The following FAM20B variants were observed in gnomAD, a reference collection of about 807,000 sequenced individuals.
The protein encoded by FAM20B is glycosaminoglycan xylosylkinase.
Under a neutral mutation model 43.8 loss-of-function variants are expected in FAM20B, and 23 were observed. The ratio of observed to expected loss-of-function variants is 0.53; its 90% confidence interval spans 0.38 to 0.74. The LOEUF is 0.74. FAM20B is among the 30% of genes least tolerant of loss of function. The pLI, the probability that FAM20B is intolerant of heterozygous loss-of-function variation, is 0.00. For synonymous variants in FAM20B, 178 were observed against 192.4 expected, an observed-to-expected ratio of 0.93 and a Z score of 0.62; for missense variants, 440 against 510.5, an observed-to-expected ratio of 0.86 and a Z score of 1.33.
At chr1:179,018,363 A>T in the FAM20B span, among the ~76,000 whole-genome samples, 1 of 152,132 alleles carries the variant, frequency 6.6e-6, no homozygotes, top group Non-Finnish European at 1.5e-5. Context: ...CTGGAGTACA[A>T]TGGTACAATC....
chr1:179,040,566 G>A (rs1235191914), intron 1 of FAM20B, among the ~76,000 whole-genome samples: 1 of 138,652 alleles, frequency 7.2e-6, no homozygotes, highest in Non-Finnish European at 1.6e-5. Flanking sequence ...TCCAGGACGG[G>A]GCAGCTGGCC....
intron 6 of FAM20B, among the ~76,000 whole-genome samples, chr1:179,065,392 C>T (rs1225563445): frequency 2.0e-5 from 3 of 152,156 alleles, no homozygotes; most frequent in Non-Finnish European, 2.9e-5. Flanking sequence ...TTGCCTCGAC[C>T]TCTCAAAGTG....
At chr1:179,033,957 G>C (rs1650113484) in intron 1 of FAM20B, among the ~76,000 whole-genome samples, 1 of 152,192 alleles carries the variant, frequency 6.6e-6, no homozygotes, top group African/African-American at 2.4e-5. Context: ...CTCCCAAAGT[G>C]CTGGGATTAC....
upstream of FAM20B, among the ~76,000 whole-genome samples, chr1:179,023,397 G>A (rs941645788): frequency 5.9e-5 from 9 of 152,228 alleles, no homozygotes; most frequent in African/African-American, 2.2e-4. Context: ...GAAGGGCAAA[G>A]AGGAGATTAG....
upstream of FAM20B, among the ~76,000 whole-genome samples, chr1:179,023,470 A>T (rs918147151): frequency 6.6e-6 from 1 of 152,240 alleles, no homozygotes; most frequent in Admixed American, 6.5e-5. Flanking sequence ...GAGTCTTGAC[A>T]AAGTGCTCAG....
upstream of FAM20B, among the ~76,000 whole-genome samples, chr1:179,022,421 G>A (rs1013880398): frequency 2.6e-5 from 4 of 152,144 alleles, no homozygotes; most frequent in African/African-American, 9.7e-5. Flanking sequence ...CATCATGGTG[G>A]CTGTGTTGCC....
chr1:179,064,985 T>C (rs1651629931), intron 6 of FAM20B, among the ~76,000 whole-genome samples: 1 of 152,194 alleles, frequency 6.6e-6, no homozygotes, highest in Admixed American at 6.5e-5. Flanking sequence ...CTAGTGTGGA[T>C]TTTATATATA....
chr1:179,036,959 G>A (rs1345433164), intron 1 of FAM20B, among the ~76,000 whole-genome samples: 1 of 152,150 alleles, frequency 6.6e-6, no homozygotes, highest in Non-Finnish European at 1.5e-5. Flanking sequence ...GGACTACAGT[G>A]TAAGGAATGA....
intron 7 of FAM20B, among the ~76,000 whole-genome samples, chr1:179,068,553 A>G (rs1651787192): frequency 2.6e-5 from 4 of 152,016 alleles, no homozygotes; most frequent in Admixed American, 2.0e-4. Flanking sequence ...CTCCTGCGTC[A>G]GCCTCCCAAG....
chr1:179,017,379 C>A, the FAM20B span, among the ~76,000 whole-genome samples: 5 of 152,208 alleles, frequency 3.3e-5, no homozygotes, highest in African/African-American at 1.2e-4. Context: ...GTTGCTTGAG[C>A]CTCTTTTGAG....
intron 4 of FAM20B, among the ~76,000 whole-genome samples, chr1:179,060,025 A>G (rs1352216350): frequency 1.3e-5 from 2 of 151,530 alleles, no homozygotes; most frequent in Admixed American, 1.3e-4. Context: ...TCGTCTGTCT[A>G]GTTCCTTCCC....
At chr1:179,025,519 G>T (rs371476628), upstream of FAM20B, among the ~76,000 whole-genome samples, 1 of 152,138 alleles carries the variant, frequency 6.6e-6, no homozygotes, top group Non-Finnish European at 1.5e-5. Context: ...CGACCTAGGG[G>T]ACCGCAACTC....
chr1:179,052,147 T>C (rs1189727566), intron 3 of FAM20B, among the ~76,000 whole-genome samples: 1 of 152,238 alleles, frequency 6.6e-6, no homozygotes, highest in East Asian at 1.9e-4. Flanking sequence ...GAATCTAATG[T>C]AATCTGAGTA....
At chr1:179,025,049 G>A (rs1445292109), upstream of FAM20B, among the ~76,000 whole-genome samples, 1 of 152,036 alleles carries the variant, frequency 6.6e-6, no homozygotes, top group Non-Finnish European at 1.5e-5. Flanking sequence ...TATATTTCAG[G>A]GTCAGGCACA....
rs143936781 is a variant in FAM20B, at chr1:179,038,357, G to A, written c.-133-5358G>A. ...ACCCAGGAAGCAGAGGTTGTGGTGAGCCGAGATTGCTCCATGGCATTCCAG... is the reference window on the plus strand; with the variant it reads ...ACCCAGGAAGCAGAGGTTGTGGTGAACCGAGATTGCTCCATGGCATTCCAG... On this transcript the variant is annotated intron_variant, in intron 1 of 7. Transcript: ENST00000263733. 8.6e-3 allele frequency among the ~76,000 whole-genome samples: 1,287 copies of A among 150,366 alleles called. 17 individuals are homozygous for A. The highest frequency in any genetic ancestry group is 0.03 in the African/African-American group (1,219 of 40,752).
the FAM20B span, among the ~76,000 whole-genome samples, chr1:179,019,175 A>G: frequency 3.9e-5 from 6 of 152,210 alleles, no homozygotes; most frequent in Non-Finnish European, 8.8e-5. Flanking sequence ...TCTAGAAATA[A>G]TATTTATCTG....
At chr1:179,035,589 C>A (rs549278126) in intron 1 of FAM20B, 1 of 566,428 alleles carries the variant, frequency 1.8e-6, no homozygotes, top group Non-Finnish European at 3.3e-6. Context: ...GTTCATGCAG[C>A]GAATGGCTGC....
chr1:179,023,788 C>A (rs746463944), upstream of FAM20B, among the ~76,000 whole-genome samples: 5 of 152,206 alleles, frequency 3.3e-5, no homozygotes, highest in Non-Finnish European at 5.9e-5. Flanking sequence ...GACTGTGATT[C>A]TTTCAGTGAT....
chr1:179,036,984 A>T (rs1287885117), intron 1 of FAM20B, among the ~76,000 whole-genome samples: 2 of 152,310 alleles, frequency 1.3e-5, no homozygotes, highest in Non-Finnish European at 2.9e-5. Flanking sequence ...AGCAAAGAGC[A>T]CCTACACATC....
Sources: allele counts gnomAD v4.1 joint callset (sites outside exome capture counted in the v4.1 genomes callset), GRCh38; gene constraint gnomAD v4.1.1; transcripts MANE v1.5; gene names NCBI Gene and HGNC (gene_info 2026-07-23, HGNC 2026-07-21).